ITGB5: variants seen among roughly 807,000 people sequenced by gnomAD.
ITGB5 encodes integrin subunit beta 5.
A neutral mutation model predicts 84.8 loss-of-function variants in ITGB5; 38 were observed. That is an observed-to-expected ratio of 0.45 (90% CI 0.35 to 0.59). The LOEUF (loss-of-function observed/expected upper bound fraction) is 0.59. Ranked by LOEUF, ITGB5 falls within the 20% of genes least tolerant of loss-of-function variation. The probability of loss-of-function intolerance (pLI) is 0.01; values close to 1 mark genes in which losing one functional copy is unlikely to be tolerated. For missense variants in ITGB5, 905 were observed against 1,034.5 expected, an observed-to-expected ratio of 0.87 and a Z score of 1.72; for synonymous variants, 393 against 414.4, an observed-to-expected ratio of 0.95 and a Z score of 0.63.
At position 124,853,400 on chromosome 3, in the gene ITGB5, G is replaced by A. The variant is rs569611444; in HGVS notation, c.362-4842C>T. On this transcript the variant is annotated intron_variant, in intron 3 of 14. Coordinates refer to ENST00000296181, the MANE Select transcript of ITGB5 (RefSeq NM_002213.5). ...TAGAACAAGGATGCCAGGCTGTACTGCACCCCCTCTCCACCTCAGAATTGT... is the reference window on the plus strand; with the variant it reads ...TAGAACAAGGATGCCAGGCTGTACTACACCCCCTCTCCACCTCAGAATTGT... Among the ~76,000 whole-genome samples, 5 of 151,676 alleles carry A rather than the reference G, an allele frequency of 3.3e-5. No individual in the cohort carries two copies. The South Asian group carries it at 8.3e-4, about 25-fold the overall frequency.
chr3:124,776,912 A>T (rs1038862101), intron 10 of ITGB5, among the ~76,000 whole-genome samples: 7 of 152,092 alleles, frequency 4.6e-5, no homozygotes, highest in African/African-American at 7.2e-5. Context: ...CATGTGTGTT[A>T]AGGGAACGGG....
At chr3:124,855,249 T>G (rs1288511810) in intron 3 of ITGB5, among the ~76,000 whole-genome samples, 1 of 152,122 alleles carries the variant, frequency 6.6e-6, no homozygotes, top group African/African-American at 2.4e-5. Flanking sequence ...GAGGCTGCAG[T>G]TAGCTGAAAT....
At chr3:124,833,266 T>C (rs1418464047) in intron 5 of ITGB5, among the ~76,000 whole-genome samples, 1 of 152,208 alleles carries the variant, frequency 6.6e-6, no homozygotes, top group Non-Finnish European at 1.5e-5. Flanking sequence ...CACAGTCCAA[T>C]CTGAATTATA....
chr3:124,792,298 T>A (rs1029035723), intron 10 of ITGB5: 3 of 152,200 alleles, frequency 2.0e-5, no homozygotes, highest in Non-Finnish European at 2.9e-5. Context: ...TACACTAACT[T>A]AGAGGAAGGT....
intron 5 of ITGB5, among the ~76,000 whole-genome samples, chr3:124,828,410 A>C (rs1027241769): frequency 2.0e-5 from 3 of 152,230 alleles, no homozygotes; most frequent in African/African-American, 7.2e-5. Flanking sequence ...AAGGGAAATA[A>C]GGCAGGCAAA....
intron 10 of ITGB5, among the ~76,000 whole-genome samples, chr3:124,788,274 G>A (rs1387292308): frequency 6.6e-6 from 1 of 152,152 alleles, no homozygotes; most frequent in Non-Finnish European, 1.5e-5. Context: ...ACACTGTCCT[G>A]TTGGTTCCTC....
chr3:124,892,295 C>T (rs1935016780), upstream of ITGB5, among the ~76,000 whole-genome samples: 1 of 151,856 alleles, frequency 6.6e-6, no homozygotes, highest in Non-Finnish European at 1.5e-5. Flanking sequence ...CTCCTGGCCT[C>T]AGTTTGGGAT....
intron 3 of ITGB5, among the ~76,000 whole-genome samples, chr3:124,855,966 C>CTTG (rs895652176): frequency 4.0e-5 from 6 of 151,870 alleles, no homozygotes; most frequent in East Asian, 1.9e-4. Context: ...ATTTTGGGTT[C>CTTG]TTGTTGTTGT....
At chr3:124,885,912 C>T (rs1934782248) in intron 1 of ITGB5, among the ~76,000 whole-genome samples, 1 of 152,246 alleles carries the variant, frequency 6.6e-6, no homozygotes, top group African/African-American at 2.4e-5. Flanking sequence ...ACAGTCCTCC[C>T]TTCGGGCAGC....
intron 10 of ITGB5, among the ~76,000 whole-genome samples, chr3:124,786,517 G>A (rs1293361338): frequency 6.6e-6 from 1 of 152,142 alleles, no homozygotes; most frequent in East Asian, 1.9e-4. Context: ...TTTAGCTTAG[G>A]GACATCTGGA....
At chr3:124,796,250 C>G in intron 10 of ITGB5, 138 bp downstream of exon 10, 1 of 797,080 alleles carries the variant, frequency 1.3e-6, no homozygotes, top group Non-Finnish European at 2.1e-6. Flanking sequence ...GGTAGCAAGG[C>G]TTGCCCACTG....
At chr3:124,868,369 A>G (rs1012705753) in intron 2 of ITGB5, among the ~76,000 whole-genome samples, 6 of 152,124 alleles carry the variant, frequency 3.9e-5, no homozygotes, top group Non-Finnish European at 8.8e-5. Context: ...CAGCATGGAC[A>G]GGCCAAGACA....
upstream of ITGB5, among the ~76,000 whole-genome samples, chr3:124,892,383 A>G (rs1327265442): frequency 6.6e-6 from 1 of 151,724 alleles, no homozygotes; most frequent in East Asian, 1.9e-4. Context: ...TGAATGGTAA[A>G]CTTAAAAATA....
intron 12 of ITGB5, among the ~76,000 whole-genome samples, chr3:124,766,647 G>C (rs752929461): frequency 1.3e-5 from 2 of 152,182 alleles, no homozygotes; most frequent in Non-Finnish European, 2.9e-5. Flanking sequence ...TTTCGGGGTG[G>C]GGACGGGTGA....
At chr3:124,899,458 A>G (rs1014972924) in intron 1 of ITGB5, among the ~76,000 whole-genome samples, 1 of 152,182 alleles carries the variant, frequency 6.6e-6, no homozygotes, top group African/African-American at 2.4e-5. Flanking sequence ...CCATCACTGC[A>G]TAAGGGCAGG....
At chr3:124,854,411 C>T (rs2065195250) in intron 3 of ITGB5, among the ~76,000 whole-genome samples, 1 of 152,198 alleles carries the variant, frequency 6.6e-6, no homozygotes, top group South Asian at 2.1e-4. Context: ...TATACCTCCA[C>T]AATGGAATAT....
At chr3:124,795,704 G>A (rs1173718344) in intron 10 of ITGB5, among the ~76,000 whole-genome samples, 1 of 152,110 alleles carries the variant, frequency 6.6e-6, no homozygotes, top group Non-Finnish European at 1.5e-5. Flanking sequence ...AGAAGGATTT[G>A]ACAACAGAAG....
At chr3:124,859,170 A>G in intron 3 of ITGB5, 72 bp downstream of exon 3, 2 of 1,425,096 alleles carry the variant, frequency 1.4e-6, no homozygotes, top group East Asian at 2.3e-5. Flanking sequence ...TTGTCCCATT[A>G]TTAACAAGTC....
chr3:124,836,763 A>G (rs1579273658), intron 5 of ITGB5, among the ~76,000 whole-genome samples: 1 of 152,344 alleles, frequency 6.6e-6, no homozygotes, highest in East Asian at 1.9e-4. Flanking sequence ...TTCATTTTAG[A>G]TAAGATATTC....
Sources: gnomAD v4.1 joint callset for allele counts (sites outside exome capture counted in the v4.1 genomes callset) on GRCh38, gnomAD v4.1.1 for gene constraint, MANE v1.5 for transcripts, NCBI Gene and HGNC (gene_info 2026-07-23, HGNC 2026-07-21) for gene names.